The following MTMR6 variants were observed in gnomAD, a reference collection of about 807,000 sequenced individuals.
MTMR6 encodes phosphatidylinositol-3,5-bisphosphate 3-phosphatase MTMR6.
MTMR6 carries 47 observed loss-of-function variants against 80.1 expected under a neutral mutation model. The observed-to-expected ratio is 0.59, with a 90% CI of 0.46 to 0.75. The LOEUF (loss-of-function observed/expected upper bound fraction) is 0.75. Among genes scored for constraint, MTMR6 ranks in the 30% least tolerant of loss-of-function variants. MTMR6 has a pLI of 0.00. For synonymous variants in MTMR6, 254 were observed against 253.0 expected, an observed-to-expected ratio of 1.00 and a Z score of -0.04; for missense variants, 629 against 730.9, an observed-to-expected ratio of 0.86 and a Z score of 1.61.
intron 2 of MTMR6, 134 bp from the exon 3 acceptor site, chr13:25,268,075 T>TA: frequency 1.2e-6 from 1 of 806,658 alleles, no homozygotes; most frequent in Non-Finnish European, 1.9e-6. Context: ...TTCACGTTTT[T>TA]AAAATGACTG....
Position 25,265,816 on chromosome 13 carries a change from T to TAC in MTMR6, c.591+1_591+2dup, listed in dbSNP as rs1008350239. The TAC allele has an allele frequency of 6.2e-7, 1 of 1,610,222 alleles. No individual in the cohort carries two copies. Among genetic ancestry groups the TAC allele is most frequent in the African/African-American group, 1.3e-5 (1 of 74,846 alleles). On this transcript the variant is annotated splice_region_variant and intron_variant, in intron 5 of 13. Transcript: ENST00000381801. ...TTCTAAAATCAAAAGAAAAGCATCC[T>TAC]ACCTCCTTATCTTGATGATAGTAGG...
At chr13:25,287,199 G>A (rs781568690) in intron 1 of MTMR6, 25 bp downstream of exon 1, 93 of 1,591,644 alleles carry the variant, frequency 5.8e-5, no homozygotes, top group Non-Finnish European at 6.9e-5. Context: ...GGCCCCTGAA[G>A]ACTGGCGATC....
rs149076299 is a variant in MTMR6 at position 25,248,852 on chromosome 13, C to CA, written c.*379dup. On this transcript the variant is annotated 3_prime_UTR_variant, in exon 14 of 14. Transcript: ENST00000381801. Reference sequence around the variant, plus strand: ...AAGCTACATAATTGAAAGTACATGCCATATCATTTATTAAGAAACTATGTT... The same window carrying CA: ...AAGCTACATAATTGAAAGTACATGCCAATATCATTTATTAAGAAACTATGTT... 0.021 allele frequency: 3,445 copies of CA among 164,116 alleles called. 126 individuals are homozygous for CA. The highest frequency in any genetic ancestry group is 0.077 in the African/African-American group (3,206 of 41,900). 10.2% of individuals were successfully genotyped at this position (164,116 alleles called of 1,614,324 possible).
At position 25,249,172 on chromosome 13, in the gene MTMR6, AC is replaced by A; in HGVS notation, c.*59del. ...AAATTCCTTTTGGTTATGCTTACAG[AC>A]CATCCTCACAATAATCCTTTTCTTG... On this transcript the variant is annotated 3_prime_UTR_variant, in exon 14 of 14. Coordinates refer to ENST00000381801, the MANE Select transcript of MTMR6 (RefSeq NM_004685.5). 5.1e-6 allele frequency: 8 copies of A among 1,565,342 alleles called. No homozygotes were observed. Among genetic ancestry groups the A allele is most frequent in the Non-Finnish European group, 7.0e-6 (8 of 1,150,534 alleles).
chr13:25,250,143 G>A (rs1213734158), intron 13 of MTMR6, among the ~76,000 whole-genome samples: 1 of 152,096 alleles, frequency 6.6e-6, no homozygotes, highest in African/African-American at 2.4e-5. Flanking sequence ...GACTAAGGGA[G>A]ACTCCTGCCT....
At chr13:25,282,789 T>G in intron 1 of MTMR6, among the ~76,000 whole-genome samples, 1 of 151,662 alleles carries the variant, frequency 6.6e-6, no homozygotes. Context: ...GTATTTTTAG[T>G]AAGACAGGGT....
chr13:25,271,706 A>G (rs1336290363), intron 2 of MTMR6, among the ~76,000 whole-genome samples: 1 of 152,178 alleles, frequency 6.6e-6, no homozygotes, highest in South Asian at 2.1e-4. Context: ...GATGTTATCA[A>G]TATCTTTCAG....
chr13:25,273,888 A>G (rs980606211), intron 2 of MTMR6, among the ~76,000 whole-genome samples, 183 bp downstream of exon 2: 1 of 152,176 alleles, frequency 6.6e-6, no homozygotes, highest in African/African-American at 2.4e-5. Flanking sequence ...ATAGAATTCC[A>G]TGTTACATAT....
chr13:25,275,870 A>AGGGAG (rs1166091960), intron 1 of MTMR6, among the ~76,000 whole-genome samples: 5 of 33,466 alleles, frequency 1.5e-4, no homozygotes, highest in East Asian at 9.7e-4. Flanking sequence ...TCAAAAAAGA[A>AGGGAG]GGGAGGGGAG....
In MTMR6 at chr13:25,249,036, G is replaced by T; in HGVS notation, c.*196C>A. The T allele has an allele frequency of 1.7e-6, 1 of 600,700 alleles. No homozygotes were observed. Among genetic ancestry groups the T allele is most frequent in the Non-Finnish European group, 2.8e-6 (1 of 352,746 alleles). The allele number at this position is 600,700 out of a possible 1,614,324, so 37.2% of individuals were successfully genotyped here. A position where few individuals can be genotyped will look rare whatever the true frequency, so the allele number is the denominator to read the frequency against. ...CCACTCATTTCTTACAGAACTGAAT[G>T]TCATTCCTTGCTGGAAATGCAATTA... On this transcript the variant is annotated 3_prime_UTR_variant, in exon 14 of 14. Transcript: ENST00000381801.
chr13:25,249,304 A>G lies in MTMR6; in HGVS notation c.1794T>C (p.Tyr598=). ...GTTCTGATTTAGAAAACTCTTCTGC[A>G]TATTCACTATAACGATTATCTGCCG... ...SSPADNRYSE[Y]AEEFSKSEPA... Residue 598 remains tyrosine (Y), a synonymous_variant, in exon 14 of 14, where the codon TAT becomes TAC. Coordinates refer to ENST00000381801, the MANE Select transcript of MTMR6 (RefSeq NM_004685.5). 1 of 1,614,122 alleles carries G rather than the reference A, an allele frequency of 6.2e-7. No individual in the cohort carries two copies. The highest frequency in any genetic ancestry group is 1.1e-5 in the South Asian group (1 of 91,084).
At chr13:25,265,327 C>A (rs1483217924) in intron 5 of MTMR6, among the ~76,000 whole-genome samples, 1 of 151,994 alleles carries the variant, frequency 6.6e-6, no homozygotes, top group Admixed American at 6.6e-5. Flanking sequence ...AAGGGAGGGT[C>A]AAGAAAAGAT....
At chr13:25,284,983 T>C (rs1462087251) in intron 1 of MTMR6, among the ~76,000 whole-genome samples, 2 of 152,158 alleles carry the variant, frequency 1.3e-5, no homozygotes, top group African/African-American at 4.8e-5. Flanking sequence ...CAACCCAAAG[T>C]AATAAAGGAG....
In MTMR6 at chr13:25,249,070, T is replaced by A. The variant is rs1263513796; in HGVS notation, c.*162A>T. Reference sequence around the variant, plus strand: ...TGCTGGAAATGCAATTAAAATGACTTATTTCTCTCACAAGGGTAGTTATTA... The same window carrying A: ...TGCTGGAAATGCAATTAAAATGACTAATTTCTCTCACAAGGGTAGTTATTA... On this transcript the variant is annotated 3_prime_UTR_variant, in exon 14 of 14. Coordinates refer to ENST00000381801, the MANE Select transcript of MTMR6 (RefSeq NM_004685.5). 3.0e-6 allele frequency: 2 copies of A among 668,854 alleles called. No homozygotes were observed. The highest frequency in any genetic ancestry group is 4.9e-6 in the Non-Finnish European group (2 of 410,856). The allele number at this position is 668,854 out of a possible 1,614,324, so 41.4% of individuals were successfully genotyped here.
rs1057030738 is a variant in MTMR6, at chr13:25,246,577, A to G, written c.*2655T>C. Reference sequence around the variant, plus strand: ...AATTGCGGTTTTTGTCATCACTTTCAATGGCAAAAGCCCCAATTACTTTTG... The same window carrying G: ...AATTGCGGTTTTTGTCATCACTTTCGATGGCAAAAGCCCCAATTACTTTTG... On this transcript the variant is annotated 3_prime_UTR_variant, in exon 14 of 14. Transcript: ENST00000381801. 2 of 152,538 alleles carry G rather than the reference A, an allele frequency of 1.3e-5. No homozygotes were observed. The highest frequency in any genetic ancestry group is 2.4e-5 in the African/African-American group (1 of 41,424). The allele number at this position is 152,538 out of a possible 1,614,324, so 9.4% of individuals were successfully genotyped here.
At chr13:25,260,247 C>A (rs182038503) in intron 6 of MTMR6, among the ~76,000 whole-genome samples, 1 of 151,826 alleles carries the variant, frequency 6.6e-6, no homozygotes, top group Admixed American at 6.6e-5. Context: ...CGGCTCACCA[C>A]AACCTCCGCC....
chr13:25,259,772 A>G (rs1489692110), intron 6 of MTMR6, among the ~76,000 whole-genome samples: 2 of 152,170 alleles, frequency 1.3e-5, no homozygotes, highest in East Asian at 1.9e-4. Flanking sequence ...TTATCAAAAA[A>G]GTGTTCCAGA....
rs9553568 is a variant in MTMR6, at chr13:25,249,781, C to T, written c.1606-289G>A. ...CACACTTAAAATGGACATATATTAC[C>T]TAGAAAGCATAACAGGTAAACATTT... is the stretch of plus-strand genomic sequence containing the variant. On this transcript the variant is annotated intron_variant, in intron 13 of 13. Transcript: ENST00000381801. Among the ~76,000 whole-genome samples the T allele has an allele frequency of 0.68, 103,326 of 151,970 alleles. 38,479 individuals carry two copies. Among genetic ancestry groups the T allele is most frequent in the Non-Finnish European group, 0.84 (57,216 of 67,996 alleles).
chr13:25,267,768 A>G lies in MTMR6; in HGVS notation c.304+11T>C. On this transcript the variant is annotated intron_variant, in intron 3 of 13. Coordinates refer to ENST00000381801, the MANE Select transcript of MTMR6 (RefSeq NM_004685.5). ...ATTGAGCATGTAAGCTTTGGTCTCT[A>G]AGAACAATACCTTGTTTTGACAGTT... The G allele has an allele frequency of 6.2e-7, 1 of 1,608,906 alleles. No homozygotes were observed. Among genetic ancestry groups the G allele is most frequent in the Non-Finnish European group, 8.5e-7 (1 of 1,177,190 alleles).
Sources: gnomAD v4.1 joint callset for allele counts (sites outside exome capture counted in the v4.1 genomes callset) on GRCh38, gnomAD v4.1.1 for gene constraint, MANE v1.5 for transcripts, NCBI Gene and HGNC (gene_info 2026-07-23, HGNC 2026-07-21) for gene names.